PCDHA4: variants seen among roughly 807,000 people sequenced by gnomAD.
PCDHA4 encodes the protein protocadherin alpha 4.
In PCDHA4, 49 loss-of-function variants were observed where a neutral mutation model predicts 61.4. The observed-to-expected ratio is 0.80, with a 90% CI of 0.63 to 1.01. The LOEUF is 1.01. Ranked by LOEUF, PCDHA4 falls within the 50% of genes least tolerant of loss-of-function variation. PCDHA4 has a pLI of 0.00. For synonymous variants in PCDHA4, 590 were observed against 550.3 expected (o/e 1.07, Z -1.01); for missense variants, 1,254 against 1,235.8 (o/e 1.01, Z -0.22).
chr5:140,927,204 G>A, intron 1 of PCDHA4: 1 of 1,614,112 alleles, frequency 6.2e-7, no homozygotes, highest in Non-Finnish European at 8.5e-7. Context: ...TCGAGGACCC[G>A]CTGGAGCTGC....
chr5:140,978,188 C>A (rs1480380395), intron 1 of PCDHA4, among the ~76,000 whole-genome samples: 2 of 152,176 alleles, frequency 1.3e-5, no homozygotes, highest in Non-Finnish European at 2.9e-5. Context: ...GGCAACAGAT[C>A]TTTTCAATAC....
At chr5:140,831,834 T>C (rs1272753389) in intron 1 of PCDHA4, among the ~76,000 whole-genome samples, 4 of 152,326 alleles carry the variant, frequency 2.6e-5, no homozygotes, top group East Asian at 3.9e-4. Context: ...CTAGTTTCAA[T>C]GATAGAATTG....
chr5:140,872,165 C>CTT (rs781807025), intron 1 of PCDHA4, among the ~76,000 whole-genome samples: 18 of 144,352 alleles, frequency 1.2e-4, no homozygotes, highest in Non-Finnish European at 2.0e-4. Context: ...ATTTACTTTT[C>CTT]TTTTTTTTTT....
intron 1 of PCDHA4, chr5:140,824,336 G>A (rs1288590631): frequency 3.2e-6 from 2 of 628,210 alleles, no homozygotes; most frequent in African/African-American, 1.9e-5. Flanking sequence ...GATATTAAGT[G>A]TTTTTAAAAT....
chr5:140,858,306 G>A (rs1554151408), intron 1 of PCDHA4: 3 of 1,597,282 alleles, frequency 1.9e-6, no homozygotes, highest in South Asian at 1.1e-5. Flanking sequence ...CAGCAGAGGC[G>A]GCAGAGGGTG....
chr5:140,924,901 A>AAAATAAAAT (rs1554202314), intron 1 of PCDHA4, among the ~76,000 whole-genome samples: 2 of 80,456 alleles, frequency 2.5e-5, no homozygotes, highest in African/African-American at 8.6e-5. Context: ...TCTCAAAAAA[A>AAAATAAAAT]AAAATAAAAT....
At chr5:140,827,803 C>G (rs1054695243) in intron 1 of PCDHA4, among the ~76,000 whole-genome samples, 2 of 152,100 alleles carry the variant, frequency 1.3e-5, no homozygotes, top group Admixed American at 6.5e-5. Context: ...AAATTACAAA[C>G]GTGAGGAGGG....
At chr5:140,854,796 A>G (rs1379187736) in intron 1 of PCDHA4, 2 of 149,770 alleles carry the variant, frequency 1.3e-5, no homozygotes, top group African/African-American at 4.9e-5. Flanking sequence ...TTGAGAGAGA[A>G]AAAAATATTT....
chr5:140,965,493 C>A (rs1214376252), intron 1 of PCDHA4, among the ~76,000 whole-genome samples: 1 of 147,046 alleles, frequency 6.8e-6, no homozygotes, highest in African/African-American at 2.5e-5. Flanking sequence ...TTAATGACAG[C>A]AGATTTTTTT....
At chr5:140,912,209 G>T (rs1027468350) in intron 1 of PCDHA4, among the ~76,000 whole-genome samples, 8 of 152,158 alleles carry the variant, frequency 5.3e-5, no homozygotes, top group Non-Finnish European at 7.3e-5. Context: ...ATTGAGGGTA[G>T]ATCTGCCTTT....
intron 3 of PCDHA4, among the ~76,000 whole-genome samples, chr5:140,991,081 AAAATT>A (rs782742337): frequency 6.6e-6 from 1 of 152,236 alleles, no homozygotes. Flanking sequence ...TTCAGATAAA[AAAATT>A]AAAGCTCATA....
chr5:140,870,962 C>G (rs1489353896), intron 1 of PCDHA4: 2 of 1,613,532 alleles, frequency 1.2e-6, no homozygotes, highest in African/African-American at 1.3e-5. Context: ...TCGCGCATCC[C>G]GTTCCGCGTG....
At chr5:140,917,332 G>GT (rs1293292013) in intron 1 of PCDHA4, among the ~76,000 whole-genome samples, 2 of 145,540 alleles carry the variant, frequency 1.4e-5, no homozygotes, top group Non-Finnish European at 3.0e-5. Flanking sequence ...GGCGGGGGAG[G>GT]GGGGGGATGG....
chr5:140,876,258 C>G lies in PCDHA4; in HGVS notation c.2385+66686C>G, dbSNP rs782047443. ...ATGTCCAAAACGACACAAGAGTGAT[C>G]CAACTAAATGCTTCCGATCCAGACG... On this transcript the variant is annotated intron_variant, in intron 1 of 3. Coordinates refer to ENST00000530339, the MANE Select transcript of PCDHA4 (RefSeq NM_018907.4). 4 of 1,613,968 alleles carry G rather than the reference C, an allele frequency of 2.5e-6. No homozygotes were observed. The East Asian group carries it at 8.9e-5, about 36-fold the overall frequency.
chr5:140,973,582 T>C lies in PCDHA4; in HGVS notation c.2386-5367T>C, dbSNP rs76146918. Among the ~76,000 whole-genome samples the C allele has an allele frequency of 4.6e-3, 708 of 152,364 alleles. 4 individuals are homozygous for C. The highest frequency in any genetic ancestry group is 0.016 in the African/African-American group (685 of 41,596). On this transcript the variant is annotated intron_variant, in intron 1 of 3. Coordinates refer to ENST00000530339, the MANE Select transcript of PCDHA4 (RefSeq NM_018907.4). ...TTTCCTCAATTTTTCTACAGACTGC[T>C]GAGCCAGATGGAATTATGGCTGAGC...
At chr5:140,863,351 C>A in intron 1 of PCDHA4, 1 of 1,288,682 alleles carries the variant, frequency 7.8e-7, no homozygotes, top group Non-Finnish European at 1.1e-6. Flanking sequence ...CTGTACACGA[C>A]GCTGCGGTGC....
Position 140,880,405 on chromosome 5 carries a change from G to T in PCDHA4, c.2385+70833G>T, listed in dbSNP as rs183953148. Among the ~76,000 whole-genome samples, 426 of 152,300 alleles carry T rather than the reference G, an allele frequency of 2.8e-3. 2 individuals carry two copies. The highest frequency in any genetic ancestry group is 0.014 in the Middle Eastern group (4 of 294). On this transcript the variant is annotated intron_variant, in intron 1 of 3. Coordinates refer to ENST00000530339, the MANE Select transcript of PCDHA4 (RefSeq NM_018907.4). ...AAATAATTTTTAAGAGCATATGGTTGACCTTAAAAGCGGGAACAGTTTTTC... is the reference window on the plus strand; with the variant it reads ...AAATAATTTTTAAGAGCATATGGTTTACCTTAAAAGCGGGAACAGTTTTTC...
At chr5:140,880,620 A>C (rs2058397773) in intron 1 of PCDHA4, among the ~76,000 whole-genome samples, 1 of 152,170 alleles carries the variant, frequency 6.6e-6, no homozygotes, top group Non-Finnish European at 1.5e-5. Context: ...AAGAGGGAGG[A>C]GTTAATTATC....
chr5:140,823,024 G>T (rs2150121461), intron 1 of PCDHA4: 3 of 1,614,202 alleles, frequency 1.9e-6, no homozygotes, highest in East Asian at 2.2e-5. Flanking sequence ...CCGCGAGAGC[G>T]TGTCGGTCTA....
Sources: gnomAD v4.1 joint callset for allele counts (sites outside exome capture counted in the v4.1 genomes callset) on GRCh38, gnomAD v4.1.1 for gene constraint, MANE v1.5 for transcripts, NCBI Gene and HGNC (gene_info 2026-07-23, HGNC 2026-07-21) for gene names.